The following FXN variants were observed in gnomAD, a reference collection of about 807,000 sequenced individuals.
The protein encoded by FXN is frataxin, also known as frataxin, mitochondrial.
In FXN, 14 loss-of-function variants were observed where a neutral mutation model predicts 22.4. The observed-to-expected ratio is 0.62, with a 90% CI of 0.41 to 0.98. The LOEUF is 0.98. Among genes scored for constraint, FXN ranks in the 50% least tolerant of loss-of-function variants. The pLI, the probability that FXN is intolerant of heterozygous loss-of-function variation, is 0.00. For missense variants in FXN, 267 were observed against 268.4 expected, an observed-to-expected ratio of 0.99 and a Z score of 0.04; for synonymous variants, 120 against 114.1, an observed-to-expected ratio of 1.05 and a Z score of -0.33.
chr9:69,077,704 T>C lies in FXN; in HGVS notation c.*4942T>C, dbSNP rs1051966717. 1.7e-4 allele frequency: 155 copies of C among 936,108 alleles called. No individual in the cohort carries two copies. The highest frequency in any genetic ancestry group is 1.9e-4 in the Non-Finnish European group (146 of 785,320). The allele number at this position is 936,108 out of a possible 1,614,324, so 58.0% of individuals were successfully genotyped here. A position where few individuals can be genotyped will look rare whatever the true frequency, so the allele number is the denominator to read the frequency against. ...CAGCACTTTGAGAGGCTGAGGCAGG[T>C]GGATCACCTGAGGTTAGGAGTTCGA... On this transcript the variant is annotated 3_prime_UTR_variant, in exon 5 of 5. Coordinates refer to ENST00000484259, the MANE Select transcript of FXN (RefSeq NM_000144.5).
At chr9:69,036,573 C>T (rs1831554888) in intron 1 of FXN, among the ~76,000 whole-genome samples, 1 of 152,210 alleles carries the variant, frequency 6.6e-6, no homozygotes. Context: ...CTCCGCAGAG[C>T]TGTGTGACCT....
In FXN at chr9:69,072,535, G is replaced by A. The variant is rs186580424; in HGVS notation, c.483-77G>A. On this transcript the variant is annotated intron_variant, in intron 4 of 4. Coordinates refer to ENST00000484259, the MANE Select transcript of FXN (RefSeq NM_000144.5). ...AGCTTTACTCCAGTCAATTTCTTGG[G>A]GGCAGCATTTGTGGAATCAGTGGTT... The A allele has an allele frequency of 2.7e-3, 4,264 of 1,609,042 alleles. 11 individuals carry two copies. The highest frequency in any genetic ancestry group is 3.0e-3 in the Non-Finnish European group (3,546 of 1,179,842).
chr9:69,065,078 G>A, intron 4 of FXN, 43 bp downstream of exon 4: 2 of 1,455,034 alleles, frequency 1.4e-6, no homozygotes, highest in South Asian at 2.3e-5. Context: ...AATTCTTAAA[G>A]ACTTCCGAAA....
intron 4 of FXN, among the ~76,000 whole-genome samples, chr9:69,070,729 GTTT>G (rs201425763): frequency 6.8e-6 from 1 of 147,726 alleles, no homozygotes; most frequent in Non-Finnish European, 1.5e-5. Flanking sequence ...AAAAAATTTT[GTTT>G]TTTTTTCTCT....
Position 69,065,023 on chromosome 9 carries a change from C to T in FXN, c.470C>T (p.Ser157Phe). The change falls in exon 4 of 5, where the codon TCT (serine) becomes TTT (phenylalanine). Residue 157 changes from serine to phenylalanine, a missense_variant. By Grantham distance (155) the Ser-to-Phe change is radical. Transcript: ENST00000484259. ...ACGCCAAACAAGCAAATCTGGCTAT[C>T]TTCTCCATCCAGGTATGTAGGTATG... ...KQTPNKQIWL[S>F]SPSSGPKRYD... 6.2e-7 allele frequency: 1 copy of T among 1,612,768 alleles called. No homozygotes were observed. Among genetic ancestry groups the T allele is most frequent in the Non-Finnish European group, 8.5e-7 (1 of 1,178,770 alleles).
Position 69,076,017 on chromosome 9 carries a change from CTAT to C in FXN, c.*3260_*3262del, listed in dbSNP as rs143564618. The C allele has an allele frequency of 4.2e-3, 4,132 of 984,102 alleles. 133 individuals carry two copies. The African/African-American group carries it at 0.066, about 16-fold the overall frequency. 61.0% of individuals were successfully genotyped at this position (984,102 alleles called of 1,614,324 possible). ...ACAGGTGTTCATCAGAAAGCTTTTT[CTAT>C]TATTTTTACCTTCTTGAGTGGGTAG... On this transcript the variant is annotated 3_prime_UTR_variant, in exon 5 of 5. Coordinates refer to ENST00000484259, the MANE Select transcript of FXN (RefSeq NM_000144.5).
intron 2 of FXN, among the ~76,000 whole-genome samples, chr9:69,048,479 C>T (rs1280388757): frequency 6.6e-6 from 1 of 152,022 alleles, no homozygotes; most frequent in Non-Finnish European, 1.5e-5. Context: ...GTGGCAGGCA[C>T]CTGTAATCCC....
intron 1 of FXN, 30 bp downstream of exon 1, chr9:69,035,977 GC>G: frequency 1.4e-6 from 2 of 1,407,842 alleles, no homozygotes; most frequent in Non-Finnish European, 9.2e-7. Context: ...ACAGCCGCGG[GC>G]CGCACGCCGC....
At position 69,077,705 on chromosome 9, in the gene FXN, G is replaced by T; in HGVS notation, c.*4943G>T. 1 of 937,684 alleles carries T rather than the reference G, an allele frequency of 1.1e-6. No homozygotes were observed. Among genetic ancestry groups the T allele is most frequent in the Non-Finnish European group, 1.3e-6 (1 of 786,630 alleles). The allele number at this position is 937,684 out of a possible 1,614,324, so 58.1% of individuals were successfully genotyped here. A position where few individuals can be genotyped will look rare whatever the true frequency, so the allele number is the denominator to read the frequency against. On this transcript the variant is annotated 3_prime_UTR_variant, in exon 5 of 5. Transcript: ENST00000484259. ...AGCACTTTGAGAGGCTGAGGCAGGT[G>T]GATCACCTGAGGTTAGGAGTTCGAG... is the stretch of plus-strand genomic sequence containing the variant.
In FXN at chr9:69,073,333, G is replaced by T; in HGVS notation, c.*571G>T. On this transcript the variant is annotated 3_prime_UTR_variant, in exon 5 of 5. Transcript: ENST00000484259. ...CTTATTTGTGCTCTGTGACTGCCAAGGTGTGGCCTGCACTGGGTTGTCCAG... is the reference window on the plus strand; with the variant it reads ...CTTATTTGTGCTCTGTGACTGCCAATGTGTGGCCTGCACTGGGTTGTCCAG... 1.0e-6 allele frequency: 1 copy of T among 995,498 alleles called. No homozygotes were observed. The highest frequency in any genetic ancestry group is 1.2e-6 in the Non-Finnish European group (1 of 835,644). The allele number at this position is 995,498 out of a possible 1,614,324, so 61.7% of individuals were successfully genotyped here. A position where few individuals can be genotyped will look rare whatever the true frequency, so the allele number is the denominator to read the frequency against.
intron 1 of FXN, among the ~76,000 whole-genome samples, chr9:69,040,658 A>G (rs1172300599): frequency 6.6e-6 from 1 of 152,164 alleles, no homozygotes; most frequent in African/African-American, 2.4e-5. Flanking sequence ...ACAGAGCGAG[A>G]CTGCATCTCA....
intron 2 of FXN, among the ~76,000 whole-genome samples, chr9:69,052,448 T>C (rs964271762): frequency 6.6e-6 from 1 of 151,942 alleles, no homozygotes; most frequent in East Asian, 1.9e-4. Flanking sequence ...GCCACTGCAC[T>C]GCCTGGCCCA....
chr9:69,078,722 C>T lies in FXN; in HGVS notation c.*5960C>T, dbSNP rs557932661. 8.1e-6 allele frequency: 8 copies of T among 985,576 alleles called. No homozygotes were observed. In the East Asian group the frequency reaches 7.9e-4, roughly 98 times the overall value. 61.1% of individuals were successfully genotyped at this position (985,576 alleles called of 1,614,324 possible). ...CTCTCAGACTTGGCCAGTGCTGTTT[C>T]CATTTTGGTCTTTATTCCCCACATC... On this transcript the variant is annotated 3_prime_UTR_variant, in exon 5 of 5. Transcript: ENST00000484259.
In FXN at chr9:69,076,253, T is replaced by A. The variant is rs1832366627; in HGVS notation, c.*3491T>A. Reference sequence around the variant, plus strand: ...TTTTAATCTATAAAATGGAGATATCTAACATGTTGAGCCTGGGCCCACAGG... The same window carrying A: ...TTTTAATCTATAAAATGGAGATATCAAACATGTTGAGCCTGGGCCCACAGG... On this transcript the variant is annotated 3_prime_UTR_variant, in exon 5 of 5. Coordinates refer to ENST00000484259, the MANE Select transcript of FXN (RefSeq NM_000144.5). The A allele has an allele frequency of 1.0e-6, 1 of 982,496 alleles. No individual in the cohort carries two copies. The allele number at this position is 982,496 out of a possible 1,614,324, so 60.9% of individuals were successfully genotyped here.
At chr9:69,069,161 T>C (rs1165461699) in intron 4 of FXN, among the ~76,000 whole-genome samples, 1 of 152,106 alleles carries the variant, frequency 6.6e-6, no homozygotes, top group Non-Finnish European at 1.5e-5. Flanking sequence ...GTCAGGAGTT[T>C]GAGACCAGCC....
intron 4 of FXN, among the ~76,000 whole-genome samples, chr9:69,066,869 A>T (rs1330843): frequency 0.46 from 66,147 of 144,808 alleles, 15,323 homozygotes; most frequent in East Asian, 0.59. Context: ...AAAAAAAAAA[A>T]ATATATATAT....
At chr9:69,044,177 T>G (rs1446217930) in intron 1 of FXN, among the ~76,000 whole-genome samples, 1 of 152,214 alleles carries the variant, frequency 6.6e-6, no homozygotes, top group Non-Finnish European at 1.5e-5. Flanking sequence ...GCTCGTTGAG[T>G]GTTTGTGGCA....
At chr9:69,038,721 G>A (rs1013262545) in intron 1 of FXN, among the ~76,000 whole-genome samples, 3 of 151,964 alleles carry the variant, frequency 2.0e-5, no homozygotes, top group African/African-American at 4.8e-5. Flanking sequence ...GGGAGGCTGA[G>A]GCATGAGAAT....
intron 4 of FXN, among the ~76,000 whole-genome samples, chr9:69,066,865 A>ATAT (rs199926447): frequency 8.4e-6 from 1 of 118,920 alleles, no homozygotes; most frequent in Non-Finnish European, 1.9e-5. Flanking sequence ...CCTCAAAAAA[A>ATAT]AAAAATATAT....
Sources: allele counts gnomAD v4.1 joint callset (sites outside exome capture counted in the v4.1 genomes callset), GRCh38; gene constraint gnomAD v4.1.1; transcripts MANE v1.5; gene names NCBI Gene and HGNC (gene_info 2026-07-23, HGNC 2026-07-21).